Variants in BFSP2 observed in about 807,000 individuals in gnomAD.
BFSP2 encodes the protein phakinin.
A neutral mutation model predicts 44.9 loss-of-function variants in BFSP2; 38 were observed. That is an observed-to-expected ratio of 0.85 (90% confidence interval 0.65 to 1.11). The LOEUF (loss-of-function observed/expected upper bound fraction) is 1.11. BFSP2 is among the 50% of genes least tolerant of loss of function. BFSP2 has a pLI of 0.00. For synonymous variants in BFSP2, 197 were observed against 209.9 expected, an observed-to-expected ratio of 0.94 and a Z score of 0.53; for missense variants, 525 against 533.0, an observed-to-expected ratio of 0.99 and a Z score of 0.15.
chr3:133,410,721 C>T lies in BFSP2; in HGVS notation c.489+10149C>T, dbSNP rs1229893978. The T allele has an allele frequency of 2.0e-5, 5 of 248,366 alleles. 1 individual carries two copies. The highest frequency in any genetic ancestry group is 4.2e-5 in the Non-Finnish European group (5 of 118,744). The allele number at this position is 248,366 out of a possible 1,614,324, so 15.4% of individuals were successfully genotyped here. On this transcript the variant is annotated intron_variant, in intron 1 of 6. Coordinates refer to ENST00000302334, the MANE Select transcript of BFSP2 (RefSeq NM_003571.4). ...CGTGGGCGGACAGGAGTCTGTGGAACCAGAGCTGTCCTCTGAGCGCTACAG... is the reference window on the plus strand; with the variant it reads ...CGTGGGCGGACAGGAGTCTGTGGAATCAGAGCTGTCCTCTGAGCGCTACAG...
At chr3:133,425,504 A>G (rs2073635630) in intron 1 of BFSP2, among the ~76,000 whole-genome samples, 2 of 152,228 alleles carry the variant, frequency 1.3e-5, no homozygotes, top group African/African-American at 2.4e-5. Flanking sequence ...GGAGGGTCCC[A>G]TGATTTTTCT....
intron 1 of BFSP2, among the ~76,000 whole-genome samples, chr3:133,427,750 T>C (rs1347315097): frequency 1.3e-5 from 2 of 152,242 alleles, no homozygotes; most frequent in Non-Finnish European, 2.9e-5. Flanking sequence ...CAACAGAGAA[T>C]AGTTTGTTCC....
intron 1 of BFSP2, among the ~76,000 whole-genome samples, chr3:133,418,964 C>A (rs1426638167): frequency 6.6e-6 from 1 of 152,154 alleles, no homozygotes; most frequent in East Asian, 1.9e-4. Flanking sequence ...GCTGCCAGAA[C>A]AAAGGCCCAT....
intron 3 of BFSP2, 180 bp downstream of exon 3, chr3:133,448,825 G>A: frequency 1.3e-6 from 1 of 784,880 alleles, no homozygotes; most frequent in South Asian, 1.8e-5. Context: ...GGTTACCCCA[G>A]CAGTCTCAAA....
rs113562095 is a variant in BFSP2 at position 133,457,493 on chromosome 3, A to G, written c.891+7029A>G. 3.7e-3 allele frequency among the ~76,000 whole-genome samples: 569 copies of G among 152,330 alleles called. 5 individuals carry two copies. Among genetic ancestry groups the G allele is most frequent in the African/African-American group, 0.013 (527 of 41,578 alleles). ...CGTTTTTTTCTATGGGGGTCAATCA[A>G]TGTTATCCTTTTCTTGTATGTCATT... is the stretch of plus-strand genomic sequence containing the variant. On this transcript the variant is annotated intron_variant, in intron 4 of 6. Transcript: ENST00000302334.
intron 1 of BFSP2, among the ~76,000 whole-genome samples, chr3:133,418,813 G>A (rs368520151): frequency 9.2e-5 from 14 of 152,178 alleles, no homozygotes; most frequent in African/African-American, 3.1e-4. Context: ...TGAACTGCAG[G>A]CCTCTGATAT....
intron 1 of BFSP2, among the ~76,000 whole-genome samples, chr3:133,427,017 T>G (rs147792852): frequency 8.6e-4 from 131 of 152,344 alleles, no homozygotes; most frequent in Middle Eastern, 3.4e-3. Flanking sequence ...TTATGCATGC[T>G]GAGTATGATG....
At chr3:133,429,298 GATTT>G (rs1366986167) in intron 1 of BFSP2, 2 of 152,252 alleles carry the variant, frequency 1.3e-5, no homozygotes, top group Non-Finnish European at 2.9e-5. Context: ...TACAGAGAGA[GATTT>G]ATTTTAGGGA....
intron 2 of BFSP2, 38 bp from the exon 3 acceptor site, chr3:133,448,451 G>A: frequency 6.2e-7 from 1 of 1,611,404 alleles, no homozygotes; most frequent in Non-Finnish European, 8.5e-7. Context: ...TTTCTTTTGG[G>A]CTACTCAGTT....
At position 133,431,570 on chromosome 3, in the gene BFSP2, T is replaced by C. The variant is rs933265104; in HGVS notation, c.490-15747T>C. ...TCTGGCCCGAGGCTCTCTGACTGAC[T>C]CCTTCTTGGCTTAGCGGCTGAAGAC... On this transcript the variant is annotated intron_variant, in intron 1 of 6. Transcript: ENST00000302334. Among the ~76,000 whole-genome samples, 11 of 152,186 alleles carry C rather than the reference T, an allele frequency of 7.2e-5. No individual in the cohort carries two copies. The East Asian group carries it at 7.7e-4, about 11-fold the overall frequency.
intron 4 of BFSP2, among the ~76,000 whole-genome samples, chr3:133,457,048 G>A (rs2074018797): frequency 6.6e-6 from 1 of 152,224 alleles, no homozygotes. Context: ...AATTAAAACA[G>A]GCACTGCCAC....
chr3:133,462,600 T>G (rs1367484201), intron 4 of BFSP2, among the ~76,000 whole-genome samples: 2 of 152,242 alleles, frequency 1.3e-5, no homozygotes, highest in African/African-American at 4.8e-5. Context: ...TATATGTATA[T>G]GTATATATGT....
chr3:133,424,848 TG>T (rs2073629065), intron 1 of BFSP2, among the ~76,000 whole-genome samples: 1 of 152,182 alleles, frequency 6.6e-6, no homozygotes, highest in African/African-American at 2.4e-5. Context: ...TTGGCCAGGC[TG>T]GTCTCAAACT....
In BFSP2 at chr3:133,400,237, C is replaced by T. The variant is rs752114772; in HGVS notation, c.154C>T (p.Arg52Ter). The change falls in exon 1 of 7, where the codon CGA (arginine) becomes TGA (stop). Residue 52 changes from arginine to a stop codon, truncating the protein, a stop_gained. Coordinates refer to ENST00000302334, the MANE Select transcript of BFSP2 (RefSeq NM_003571.4). LOFTEE classifies it high-confidence loss of function. This position sits in a 1 kb window ranked among gnomAD's most constrained non-coding sequence, Gnocchi z 4.0. ...SRTNAMSGLV[R>*]APGVYVGTAP... Reference sequence around the variant, plus strand: ...GACCAATGCCATGAGTGGCCTTGTCCGAGCACCCGGGGTCTATGTAGGAAC... The same window carrying T: ...GACCAATGCCATGAGTGGCCTTGTCTGAGCACCCGGGGTCTATGTAGGAAC... 7.4e-6 allele frequency: 12 copies of T among 1,613,780 alleles called. No individual in the cohort carries two copies. Among genetic ancestry groups the T allele is most frequent in the Admixed American group, 3.3e-5 (2 of 60,002 alleles).
At chr3:133,408,154 G>A (rs574364674) in intron 1 of BFSP2, among the ~76,000 whole-genome samples, 1 of 152,036 alleles carries the variant, frequency 6.6e-6, no homozygotes, top group African/African-American at 2.4e-5. Flanking sequence ...TTTATACACA[G>A]CATTTAAAAT....
At chr3:133,446,573 T>TAC (rs2073899701) in intron 1 of BFSP2, among the ~76,000 whole-genome samples, 2 of 28,534 alleles carry the variant, frequency 7.0e-5, no homozygotes, top group African/African-American at 3.4e-4. Flanking sequence ...TCACCATTTA[T>TAC]ATATATATAT....
intron 1 of BFSP2, among the ~76,000 whole-genome samples, chr3:133,429,920 AAC>A (rs1460758997): frequency 6.7e-6 from 1 of 148,442 alleles, no homozygotes; most frequent in African/African-American, 2.6e-5. Flanking sequence ...CCCACCCCAC[AAC>A]AGTCCCCGGT....
chr3:133,438,935 A>AT (rs1157045366), intron 1 of BFSP2, among the ~76,000 whole-genome samples: 2 of 152,186 alleles, frequency 1.3e-5, no homozygotes, highest in Non-Finnish European at 2.9e-5. Context: ...TTAAAAGGAT[A>AT]TTTTTTAAAA....
chr3:133,460,621 C>T (rs2074053372), intron 4 of BFSP2, among the ~76,000 whole-genome samples: 1 of 152,114 alleles, frequency 6.6e-6, no homozygotes, highest in Non-Finnish European at 1.5e-5. Context: ...AGGCCTTTGT[C>T]CCCGGGGGGC....
Sources: gnomAD v4.1 joint callset for allele counts (sites outside exome capture counted in the v4.1 genomes callset) on GRCh38, gnomAD v4.1.1 for gene constraint, Gnocchi (gnomAD v3.1) non-coding constraint, MANE v1.5 for transcripts, NCBI Gene and HGNC (gene_info 2026-07-23, HGNC 2026-07-21) for gene names.